Variants in SGCZ observed in about 807,000 individuals in gnomAD.
The protein encoded by SGCZ is zeta-sarcoglycan.
Under a neutral mutation model 41.3 loss-of-function variants are expected in SGCZ, and 40 were observed. The ratio of observed to expected loss-of-function variants is 0.97; its 90% CI spans 0.75 to 1.26. The LOEUF (loss-of-function observed/expected upper bound fraction) is 1.26. Ranked by LOEUF, SGCZ falls within the 50% of genes most tolerant of loss-of-function variation. The pLI, the probability that SGCZ is intolerant of heterozygous loss-of-function variation, is 0.00. For synonymous variants in SGCZ, 206 were observed against 137.5 expected (o/e 1.50, Z -3.49); for missense variants, 552 against 369.8 (o/e 1.49, Z -4.04).
intron 1 of SGCZ, among the ~76,000 whole-genome samples, chr8:15,139,948 T>C (rs1192091248): frequency 6.6e-6 from 1 of 152,134 alleles, no homozygotes; most frequent in East Asian, 1.9e-4. Context: ...GTACCTTATA[T>C]TACAAAGAAA....
At chr8:14,456,617 T>C (rs915589482) in intron 2 of SGCZ, among the ~76,000 whole-genome samples, 5 of 152,030 alleles carry the variant, frequency 3.3e-5, no homozygotes, top group African/African-American at 7.2e-5. Context: ...GATGGAGATA[T>C]ATGAGAAGAG....
chr8:14,428,673 G>T (rs961926159), intron 2 of SGCZ, among the ~76,000 whole-genome samples: 3 of 152,126 alleles, frequency 2.0e-5, no homozygotes, highest in Non-Finnish European at 4.4e-5. Flanking sequence ...AATCGGTTAC[G>T]TGCATCCAAC....
intron 1 of SGCZ, among the ~76,000 whole-genome samples, chr8:14,617,917 T>A (rs1350689726): frequency 2.6e-5 from 4 of 152,012 alleles, no homozygotes; most frequent in African/African-American, 9.7e-5. Context: ...TGTGGATTTA[T>A]TTCACTATCA....
intron 1 of SGCZ, among the ~76,000 whole-genome samples, chr8:14,758,511 G>C (rs919830286): frequency 6.6e-5 from 10 of 152,174 alleles, no homozygotes; most frequent in Non-Finnish European, 8.8e-5. Flanking sequence ...ATTAGAAGTT[G>C]AATCATTCCT....
chr8:14,608,485 G>A (rs1458733939), intron 1 of SGCZ, among the ~76,000 whole-genome samples: 1 of 151,948 alleles, frequency 6.6e-6, no homozygotes, highest in Non-Finnish European at 1.5e-5. Context: ...AAGAGAGAGA[G>A]TGAGAGAGAG....
At chr8:14,226,820 C>G (rs1016832856) in intron 4 of SGCZ, among the ~76,000 whole-genome samples, 4 of 152,066 alleles carry the variant, frequency 2.6e-5, no homozygotes, top group Non-Finnish European at 4.4e-5. Context: ...TTCCTAGCAG[C>G]AGGAGTATAA....
At chr8:14,844,404 G>A (rs1010381120) in intron 1 of SGCZ, among the ~76,000 whole-genome samples, 1 of 152,100 alleles carries the variant, frequency 6.6e-6, no homozygotes, top group Non-Finnish European at 1.5e-5. Context: ...ATACCCCTGT[G>A]GAATGAGTGT....
chr8:15,233,487 T>C (rs1361083851), intron 1 of SGCZ, among the ~76,000 whole-genome samples: 6 of 152,108 alleles, frequency 3.9e-5, no homozygotes, highest in Non-Finnish European at 7.4e-5. Flanking sequence ...TATTTTTTGC[T>C]GTATTATCAT....
intron 1 of SGCZ, among the ~76,000 whole-genome samples, chr8:15,198,944 C>T (rs967925774): frequency 7.2e-5 from 11 of 152,178 alleles, no homozygotes; most frequent in Admixed American, 3.3e-4. Context: ...CCACAAAGAG[C>T]ACTTTGATTC....
chr8:14,431,612 T>C (rs921243405), intron 2 of SGCZ, among the ~76,000 whole-genome samples: 1 of 152,198 alleles, frequency 6.6e-6, no homozygotes, highest in Non-Finnish European at 1.5e-5. Context: ...GAAACTCTTC[T>C]TGACATTGGC....
intron 1 of SGCZ, among the ~76,000 whole-genome samples, chr8:14,765,323 A>C (rs1052607900): frequency 1.3e-5 from 2 of 152,210 alleles, no homozygotes; most frequent in African/African-American, 4.8e-5. Flanking sequence ...TTTTCCATCA[A>C]AGTGATCACA....
At chr8:14,960,179 C>T (rs926423114) in intron 1 of SGCZ, among the ~76,000 whole-genome samples, 8 of 152,244 alleles carry the variant, frequency 5.3e-5, no homozygotes, top group African/African-American at 1.4e-4. Flanking sequence ...TTTTTACCAA[C>T]GCTCTTTGAG....
intron 1 of SGCZ, among the ~76,000 whole-genome samples, chr8:14,751,747 A>G (rs1799504167): frequency 6.6e-6 from 1 of 151,920 alleles, no homozygotes; most frequent in Admixed American, 6.6e-5. Flanking sequence ...ATGAGGTTTC[A>G]CCATGTTAGC....
intron 2 of SGCZ, among the ~76,000 whole-genome samples, chr8:14,508,337 A>T (rs937500427): frequency 6.6e-6 from 1 of 152,206 alleles, no homozygotes; most frequent in Non-Finnish European, 1.5e-5. Flanking sequence ...TGAGTAAAAT[A>T]GAAAACCCCT....
rs572397317 is a variant in SGCZ at position 14,480,517 on chromosome 8, C to G, written c.234+74215G>C. Reference sequence around the variant, plus strand: ...GTACTTAAATCCACTTTCATGACTTCGTTATGCTTATAACTACCACGTAAT... The same window carrying G: ...GTACTTAAATCCACTTTCATGACTTGGTTATGCTTATAACTACCACGTAAT... On this transcript the variant is annotated intron_variant, in intron 2 of 7. Coordinates refer to ENST00000382080, the MANE Select transcript of SGCZ (RefSeq NM_139167.4). Among the ~76,000 whole-genome samples, 22 of 152,208 alleles carry G rather than the reference C, an allele frequency of 1.4e-4. 1 individual carries two copies. The highest frequency in any genetic ancestry group is 4.8e-4 in the African/African-American group (20 of 41,536).
At chr8:14,743,211 C>T (rs961152535) in intron 1 of SGCZ, among the ~76,000 whole-genome samples, 5 of 152,000 alleles carry the variant, frequency 3.3e-5, no homozygotes, top group South Asian at 2.1e-4. Context: ...CTTTATAGAC[C>T]GTATCAAATG....
chr8:15,185,885 A>G (rs570622947), intron 1 of SGCZ, among the ~76,000 whole-genome samples: 6 of 152,096 alleles, frequency 3.9e-5, no homozygotes, highest in Admixed American at 1.3e-4. Flanking sequence ...GCTTTTCTTT[A>G]TGTTAAAGCA....
At chr8:14,787,709 G>C (rs1800814225) in intron 1 of SGCZ, among the ~76,000 whole-genome samples, 1 of 152,050 alleles carries the variant, frequency 6.6e-6, no homozygotes, top group Non-Finnish European at 1.5e-5. Flanking sequence ...AGCCAGGAAT[G>C]GTGGCACACG....
intron 2 of SGCZ, among the ~76,000 whole-genome samples, chr8:14,417,972 C>A (rs986317964): frequency 1.3e-5 from 2 of 151,676 alleles, no homozygotes; most frequent in Non-Finnish European, 2.9e-5. Flanking sequence ...TTTGTCGAAG[C>A]GTATCTTTCT....
Sources: gnomAD v4.1 joint callset for allele counts (sites outside exome capture counted in the v4.1 genomes callset) on GRCh38, gnomAD v4.1.1 for gene constraint, MANE v1.5 for transcripts, NCBI Gene and HGNC (gene_info 2026-07-23, HGNC 2026-07-21) for gene names.